Variants in PPARG observed in about 807,000 individuals in gnomAD.
The protein encoded by PPARG is peroxisome proliferator-activated receptor gamma.
A neutral mutation model predicts 39.2 loss-of-function variants in PPARG; 17 were observed. That is an observed-to-expected ratio of 0.43 (90% CI 0.30 to 0.65). The LOEUF (loss-of-function observed/expected upper bound fraction) is 0.65, where lower values mean the gene tolerates loss of function less well. Ranked by LOEUF, PPARG falls within the 30% of genes least tolerant of loss-of-function variation. The probability of loss-of-function intolerance (pLI) is 0.13; values close to 1 mark genes in which losing one functional copy is unlikely to be tolerated. For synonymous variants in PPARG, 223 were observed against 215.7 expected, an observed-to-expected ratio of 1.03 and a Z score of -0.30; for missense variants, 406 against 585.9, an observed-to-expected ratio of 0.69 and a Z score of 3.17.
rs10540594 is a variant in PPARG, at chr3:12,406,532, C to CTTT, written c.729+474_729+476dup. 6.7e-3 allele frequency: 405 copies of CTTT among 60,460 alleles called. 33 individuals are homozygous for CTTT. The highest frequency in any genetic ancestry group is 0.03 in the Middle Eastern group (2 of 66). The allele number at this position is 60,460 out of a possible 1,614,324, so 3.7% of individuals were successfully genotyped here. The stretch of plus-strand genomic sequence containing the variant: ...TTCAGGAGAACTACCAGAGTTACCT[C>CTTT]TTTTTTTTTTTTTTTTTTTTTTTTT... On this transcript the variant is annotated intron_variant, in intron 6 of 7. Transcript: ENST00000651735.
At chr3:12,361,692 T>C (rs1225024673) in intron 2 of PPARG, among the ~76,000 whole-genome samples, 1 of 152,246 alleles carries the variant, frequency 6.6e-6, no homozygotes, top group East Asian at 1.9e-4. Flanking sequence ...TCTATTGCAT[T>C]GTATTTTTGC....
At chr3:12,314,746 G>A (rs976515906) in intron 2 of PPARG, among the ~76,000 whole-genome samples, 7 of 152,116 alleles carry the variant, frequency 4.6e-5, no homozygotes, top group Admixed American at 1.3e-4. Context: ...GAAAAGGGAC[G>A]TTAGTAGGAA....
intron 1 of PPARG, among the ~76,000 whole-genome samples, chr3:12,304,772 A>G (rs2047016727): frequency 6.6e-6 from 1 of 152,258 alleles, no homozygotes; most frequent in African/African-American, 2.4e-5. Context: ...TAGTATGAGC[A>G]AAGGAAAACG....
chr3:12,350,196 A>T (rs2048439420), intron 2 of PPARG, among the ~76,000 whole-genome samples: 1 of 152,232 alleles, frequency 6.6e-6, no homozygotes, highest in Non-Finnish European at 1.5e-5. Context: ...ACACAACTGT[A>T]ATCACTGTAG....
At chr3:12,350,469 T>C (rs2048448247) in intron 2 of PPARG, among the ~76,000 whole-genome samples, 1 of 152,198 alleles carries the variant, frequency 6.6e-6, no homozygotes, top group Admixed American at 6.5e-5. Context: ...TAAGTATAAT[T>C]CAGAGAATTA....
intron 2 of PPARG, among the ~76,000 whole-genome samples, chr3:12,379,421 T>C (rs1559515180): frequency 6.6e-6 from 1 of 152,202 alleles, no homozygotes; most frequent in Non-Finnish European, 1.5e-5. Flanking sequence ...TAGAAGTTAA[T>C]GAGAGCAGGC....
chr3:12,321,071 T>C (rs934641829), intron 2 of PPARG, among the ~76,000 whole-genome samples: 2 of 152,186 alleles, frequency 1.3e-5, no homozygotes, highest in African/African-American at 2.4e-5. Flanking sequence ...AAGTGTGAGA[T>C]GTTAGAGGCC....
At chr3:12,294,317 C>A (rs6785890) in intron 1 of PPARG, among the ~76,000 whole-genome samples, 43,233 of 152,034 alleles carry the variant, frequency 0.28, 6,343 homozygotes, top group East Asian at 0.49. Context: ...AACAGTTATT[C>A]TGAAACATCA....
chr3:12,392,770 A>C lies in PPARG; in HGVS notation c.529+18A>C, dbSNP rs200627174. The C allele has an allele frequency of 3.7e-6, 6 of 1,613,390 alleles. No homozygotes were observed. The highest frequency in any genetic ancestry group is 2.2e-5 in the East Asian group (1 of 44,834). ...TCATAATGGTAAGTAAACAGTCATC[A>C]CCATATACTTTATTATTCTCATTAT... On this transcript the variant is annotated intron_variant, in intron 5 of 7. Transcript: ENST00000651735.
At chr3:12,390,931 G>A (rs1455897984) in intron 4 of PPARG, among the ~76,000 whole-genome samples, 1 of 152,100 alleles carries the variant, frequency 6.6e-6, no homozygotes, top group East Asian at 1.9e-4. Flanking sequence ...GATTACAGGT[G>A]TGAGCCACCA....
chr3:12,369,445 T>C (rs2049131138), intron 2 of PPARG, among the ~76,000 whole-genome samples: 2 of 152,156 alleles, frequency 1.3e-5, no homozygotes, highest in East Asian at 1.9e-4. Flanking sequence ...TGAGCTGTGA[T>C]TGCGTTACAG....
intron 1 of PPARG, among the ~76,000 whole-genome samples, chr3:12,294,383 T>G (rs2046725160): frequency 6.6e-6 from 1 of 152,236 alleles, no homozygotes; most frequent in Admixed American, 6.5e-5. Flanking sequence ...TATCTTAATG[T>G]AATTAAATAT....
chr3:12,350,286 C>T (rs1310245760), intron 2 of PPARG, among the ~76,000 whole-genome samples: 4 of 152,182 alleles, frequency 2.6e-5, no homozygotes, highest in African/African-American at 9.7e-5. Context: ...CTTAATGGCA[C>T]AGTTGCTCAA....
At chr3:12,294,741 A>C (rs544369837) in intron 1 of PPARG, among the ~76,000 whole-genome samples, 1 of 152,216 alleles carries the variant, frequency 6.6e-6, no homozygotes, top group South Asian at 2.1e-4. Flanking sequence ...CTAAAAATAC[A>C]AATTAGCTCG....
chr3:12,330,301 TTAAA>T (rs1350745234), intron 2 of PPARG, among the ~76,000 whole-genome samples: 1 of 114,518 alleles, frequency 8.7e-6, no homozygotes, highest in African/African-American at 3.2e-5. Context: ...ACACCTTTTT[TTAAA>T]AAAAAAAAAA....
chr3:12,399,254 G>A (rs2050378605), intron 5 of PPARG: 1 of 415,648 alleles, frequency 2.4e-6, no homozygotes, highest in South Asian at 1.7e-5. Context: ...CTAAGAAAAT[G>A]TTTAAATGTC....
chr3:12,347,872 C>G (rs1294644168), intron 2 of PPARG, among the ~76,000 whole-genome samples: 3 of 152,106 alleles, frequency 2.0e-5, no homozygotes, highest in African/African-American at 7.2e-5. Flanking sequence ...TCTAGGGATG[C>G]AATGAGATCT....
intron 1 of PPARG, among the ~76,000 whole-genome samples, chr3:12,307,780 A>G (rs747628846): frequency 6.6e-6 from 1 of 152,200 alleles, no homozygotes; most frequent in Non-Finnish European, 1.5e-5. Flanking sequence ...AATTTTCTTT[A>G]ATGTATTTTG....
intron 1 of PPARG, among the ~76,000 whole-genome samples, chr3:12,295,915 T>G (rs1574940320): frequency 1.3e-5 from 2 of 152,182 alleles, no homozygotes; most frequent in Admixed American, 6.5e-5. Flanking sequence ...TGAATTCTAT[T>G]CCAGCATATA....
Sources: allele counts gnomAD v4.1 joint callset (sites outside exome capture counted in the v4.1 genomes callset), GRCh38; gene constraint gnomAD v4.1.1; transcripts MANE v1.5; gene names NCBI Gene and HGNC (gene_info 2026-07-23, HGNC 2026-07-21).